Variants in FHIT observed in about 807,000 individuals in gnomAD.
FHIT encodes the protein bis(5'-adenosyl)-triphosphatase.
FHIT carries 19 observed loss-of-function variants against 17.9 expected under a neutral mutation model. The ratio of observed to expected loss-of-function variants is 1.06; its 90% CI spans 0.74 to 1.56. FHIT has a LOEUF of 1.56. Among genes scored for constraint, FHIT ranks in the 40% most tolerant of loss-of-function variants. FHIT has a pLI of 0.00. For missense variants in FHIT, 248 were observed against 189.2 expected (o/e 1.31, Z -1.82); for synonymous variants, 81 against 69.7 (o/e 1.16, Z -0.81).
intron 5 of FHIT, among the ~76,000 whole-genome samples, chr3:60,064,974 A>T (rs1447210418): frequency 6.6e-6 from 1 of 152,210 alleles, no homozygotes; most frequent in Non-Finnish European, 1.5e-5. Flanking sequence ...ACATCTAGCA[A>T]GTGGGAGGTG....
At chr3:60,784,687 G>A (rs1700504206) in intron 4 of FHIT, among the ~76,000 whole-genome samples, 1 of 152,140 alleles carries the variant, frequency 6.6e-6, no homozygotes. Flanking sequence ...AAAGCCTAGG[G>A]GAGGTTATGG....
intron 5 of FHIT, among the ~76,000 whole-genome samples, chr3:60,533,273 A>C (rs1190678671): frequency 6.6e-6 from 1 of 152,168 alleles, no homozygotes; most frequent in African/African-American, 2.4e-5. Context: ...AAACGGGAAA[A>C]GGTGGGATTT....
intron 7 of FHIT, among the ~76,000 whole-genome samples, chr3:59,969,070 T>C (rs777404056): frequency 3.9e-5 from 6 of 152,190 alleles, no homozygotes; most frequent in Non-Finnish European, 8.8e-5. Flanking sequence ...CCATGTTTCG[T>C]TCATTGCTCA....
rs935095850 is a variant in FHIT, at chr3:60,258,798, G to A, written c.104-244646C>T. Among the ~76,000 whole-genome samples, 14 of 152,054 alleles carry A rather than the reference G, an allele frequency of 9.2e-5. 1 individual carries two copies. Among genetic ancestry groups the A allele is most frequent in the Admixed American group, 7.9e-4 (12 of 15,252 alleles). ...TAGTAATGAAAAAGTATTATTGGAT[G>A]AAAAAATATGATCTAATGGTAATAA... On this transcript the variant is annotated intron_variant, in intron 5 of 9. Transcript: ENST00000492590.
intron 5 of FHIT, among the ~76,000 whole-genome samples, chr3:60,221,397 A>C (rs780921266): frequency 2.6e-5 from 4 of 152,130 alleles, no homozygotes; most frequent in South Asian, 4.1e-4. Flanking sequence ...AGCTACTACA[A>C]GGGTTCCCTT....
At chr3:60,102,554 A>C (rs1292522204) in intron 5 of FHIT, among the ~76,000 whole-genome samples, 1 of 152,142 alleles carries the variant, frequency 6.6e-6, no homozygotes, top group Admixed American at 6.6e-5. Flanking sequence ...CATCTCCCCA[A>C]GAAGGCACAA....
At chr3:59,980,505 G>A (rs891304706) in intron 7 of FHIT, among the ~76,000 whole-genome samples, 3 of 152,102 alleles carry the variant, frequency 2.0e-5, no homozygotes, top group Admixed American at 2.0e-4. Context: ...AATTTTATGG[G>A]GTTTGTCTAT....
chr3:60,402,576 T>G (rs1701704369), intron 5 of FHIT, among the ~76,000 whole-genome samples: 1 of 152,192 alleles, frequency 6.6e-6, no homozygotes, highest in African/African-American at 2.4e-5. Context: ...TTCACTCTAA[T>G]CATTTAATAC....
intron 8 of FHIT, among the ~76,000 whole-genome samples, chr3:59,809,509 G>A (rs1700330632): frequency 6.6e-6 from 1 of 152,118 alleles, no homozygotes; most frequent in Non-Finnish European, 1.5e-5. Context: ...GCAGTCCTAG[G>A]AAGCTAACAT....
At chr3:60,771,733 C>T (rs1464289735) in intron 4 of FHIT, among the ~76,000 whole-genome samples, 4 of 152,114 alleles carry the variant, frequency 2.6e-5, no homozygotes, top group Admixed American at 6.6e-5. Context: ...CCATAGAATC[C>T]CACTTAGCCC....
At chr3:60,710,328 C>A (rs1458487248) in intron 4 of FHIT, among the ~76,000 whole-genome samples, 1 of 152,220 alleles carries the variant, frequency 6.6e-6, no homozygotes, top group Non-Finnish European at 1.5e-5. Context: ...CGGTCTACAG[C>A]TCCCAGAGTG....
chr3:59,822,563 T>G (rs1413838238), intron 8 of FHIT, among the ~76,000 whole-genome samples: 1 of 151,786 alleles, frequency 6.6e-6, no homozygotes, highest in Non-Finnish European at 1.5e-5. Flanking sequence ...ATATCGAGCA[T>G]TTTTTCATAT....
chr3:60,767,475 G>C (rs1161961207), intron 4 of FHIT, among the ~76,000 whole-genome samples: 1 of 152,128 alleles, frequency 6.6e-6, no homozygotes, highest in East Asian at 1.9e-4. Context: ...TAATTTGTCT[G>C]CTACGATCAT....
intron 8 of FHIT, among the ~76,000 whole-genome samples, chr3:59,882,322 T>C (rs1347110931): frequency 6.6e-6 from 1 of 152,116 alleles, no homozygotes; most frequent in East Asian, 1.9e-4. Context: ...AATCATACTA[T>C]TGAAACACCC....
chr3:60,480,521 C>A (rs2033560326), intron 5 of FHIT, among the ~76,000 whole-genome samples: 1 of 152,248 alleles, frequency 6.6e-6, no homozygotes, highest in East Asian at 1.9e-4. Flanking sequence ...CCTGTAAACT[C>A]AAAAACAAGT....
chr3:59,877,863 G>C (rs1188768257), intron 8 of FHIT, among the ~76,000 whole-genome samples: 1 of 152,170 alleles, frequency 6.6e-6, no homozygotes, highest in Non-Finnish European at 1.5e-5. Context: ...CCTCAAATGA[G>C]TTGGATAACC....
At chr3:60,349,094 A>G (rs899726512) in intron 5 of FHIT, among the ~76,000 whole-genome samples, 39 of 152,232 alleles carry the variant, frequency 2.6e-4, no homozygotes, top group African/African-American at 9.4e-4. Context: ...TATTCTCCAA[A>G]TAGAACATCA....
At chr3:60,806,234 C>T (rs1489595732) in intron 4 of FHIT, among the ~76,000 whole-genome samples, 1 of 152,174 alleles carries the variant, frequency 6.6e-6, no homozygotes, top group Non-Finnish European at 1.5e-5. Flanking sequence ...GGCAGGAAAA[C>T]ATCAGCACCC....
intron 8 of FHIT, among the ~76,000 whole-genome samples, chr3:59,764,494 T>C (rs570790192): frequency 2.6e-5 from 4 of 152,308 alleles, no homozygotes; most frequent in Admixed American, 1.3e-4. Flanking sequence ...CCGTTGGAAG[T>C]TACATGCCCT....
Sources: gnomAD v4.1 joint callset for allele counts (sites outside exome capture counted in the v4.1 genomes callset) on GRCh38, gnomAD v4.1.1 for gene constraint, MANE v1.5 for transcripts, NCBI Gene and HGNC (gene_info 2026-07-23, HGNC 2026-07-21) for gene names.